Variants in HS6ST3 observed in about 807,000 individuals in gnomAD.
HS6ST3 encodes the protein heparan-sulfate 6-O-sulfotransferase 3.
HS6ST3 carries 12 observed loss-of-function variants against 36.7 expected under a neutral mutation model. That is an observed-to-expected ratio of 0.33 (90% CI 0.21 to 0.53). The LOEUF (loss-of-function observed/expected upper bound fraction) is 0.53, where lower values mean the gene tolerates loss of function less well. Among genes scored for constraint, HS6ST3 ranks in the 20% least tolerant of loss-of-function variants. The pLI is 0.95. For synonymous variants in HS6ST3, 240 were observed against 257.5 expected (o/e 0.93, Z 0.65); for missense variants, 584 against 640.9 (o/e 0.91, Z 0.96).
chr13:96,274,763 G>A (rs1001867411), intron 1 of HS6ST3, among the ~76,000 whole-genome samples: 35 of 151,062 alleles, frequency 2.3e-4, no homozygotes, highest in African/African-American at 6.6e-4. Context: ...GAACATAAAT[G>A]ACATCATGAC....
intron 1 of HS6ST3, among the ~76,000 whole-genome samples, chr13:96,194,428 G>T (rs767884101): frequency 3.3e-5 from 5 of 151,850 alleles, no homozygotes; most frequent in Non-Finnish European, 7.4e-5. Flanking sequence ...TTGGTACCCA[G>T]AAAATTCATT....
intron 1 of HS6ST3, among the ~76,000 whole-genome samples, chr13:96,553,380 G>A (rs970625531): frequency 1.3e-5 from 2 of 152,184 alleles, no homozygotes; most frequent in African/African-American, 4.8e-5. Flanking sequence ...AAAAGGATGC[G>A]AATAAGCCCA....
chr13:96,689,606 C>CT (rs34000071), intron 1 of HS6ST3, among the ~76,000 whole-genome samples: 22 of 101,214 alleles, frequency 2.2e-4, no homozygotes, highest in African/African-American at 6.2e-4. Context: ...TTCTTTCTTT[C>CT]TTTTTTTTTT....
chr13:96,092,976 G>C (rs1417089945), intron 1 of HS6ST3, among the ~76,000 whole-genome samples: 1 of 152,082 alleles, frequency 6.6e-6, no homozygotes, highest in African/African-American at 2.4e-5. Flanking sequence ...TTTGGATCTT[G>C]CCACTCTCTT....
chr13:96,835,447 C>T lies in HS6ST3; in HGVS notation c.*2249C>T, dbSNP rs928174249. ...GGCTCACAAAATATTTCTCCATTTC[C>T]AGTGATTTGTTCCTAAGGTAGAAGG... On this transcript the variant is annotated 3_prime_UTR_variant, in exon 2 of 2. Coordinates refer to ENST00000376705, the MANE Select transcript of HS6ST3 (RefSeq NM_153456.4). The T allele has an allele frequency of 2.0e-5, 3 of 152,088 alleles. No individual in the cohort carries two copies. Among genetic ancestry groups the T allele is most frequent in the Admixed American group, 2.0e-4 (3 of 15,258 alleles). 9.4% of individuals were successfully genotyped at this position (152,088 alleles called of 1,614,324 possible). A position where few individuals can be genotyped will look rare whatever the true frequency, so the allele number is the denominator to read the frequency against.
intron 1 of HS6ST3, among the ~76,000 whole-genome samples, chr13:96,207,746 G>C (rs2054378309): frequency 6.6e-6 from 1 of 152,270 alleles, no homozygotes; most frequent in East Asian, 1.9e-4. Context: ...GACACCACAT[G>C]TTCTCACTTA....
At position 96,745,588 on chromosome 13, in the gene HS6ST3, G is replaced by T. The variant is rs576427388; in HGVS notation, c.708-86902G>T. Among the ~76,000 whole-genome samples, 5 of 152,224 alleles carry T rather than the reference G, an allele frequency of 3.3e-5. No homozygotes were observed. The East Asian group carries it at 7.7e-4, about 24-fold the overall frequency. ...TCGAGAGAGTCACCATGCCCCCATT[G>T]AAATTGGTTTGGTCATGGAGGAAAA... is the stretch of plus-strand genomic sequence containing the variant. On this transcript the variant is annotated intron_variant, in intron 1 of 1. Coordinates refer to ENST00000376705, the MANE Select transcript of HS6ST3 (RefSeq NM_153456.4).
At chr13:96,280,313 C>T (rs965732945) in intron 1 of HS6ST3, among the ~76,000 whole-genome samples, 1 of 151,966 alleles carries the variant, frequency 6.6e-6, no homozygotes, top group Admixed American at 6.6e-5. Context: ...AAAAAATTGC[C>T]AATGAAACCT....
chr13:96,521,033 T>C (rs1022276732), intron 1 of HS6ST3, among the ~76,000 whole-genome samples: 2 of 152,228 alleles, frequency 1.3e-5, no homozygotes, highest in Non-Finnish European at 2.9e-5. Context: ...CATAGATAAC[T>C]AGTTTTTTGA....
intron 1 of HS6ST3, among the ~76,000 whole-genome samples, chr13:96,525,393 C>G (rs1436094726): frequency 6.6e-6 from 1 of 152,178 alleles, no homozygotes; most frequent in East Asian, 1.9e-4. Context: ...TCCCTCCCCT[C>G]CCTTCCTAGT....
chr13:96,492,875 T>TTTGCTAA (rs1397004445), intron 1 of HS6ST3, among the ~76,000 whole-genome samples: 1 of 152,186 alleles, frequency 6.6e-6, no homozygotes, highest in Non-Finnish European at 1.5e-5. Flanking sequence ...TTCTCATCAG[T>TTTGCTAA]TTGCTAATGC....
At chr13:96,662,165 G>C (rs146098049) in intron 1 of HS6ST3, among the ~76,000 whole-genome samples, 1 of 152,158 alleles carries the variant, frequency 6.6e-6, no homozygotes, top group East Asian at 1.9e-4. Context: ...GGACATTTTC[G>C]TGAATTATTT....
chr13:96,359,734 A>G (rs536946196), intron 1 of HS6ST3, among the ~76,000 whole-genome samples: 3 of 152,292 alleles, frequency 2.0e-5, no homozygotes, highest in South Asian at 4.1e-4. Context: ...TATTCATACC[A>G]TTGTTCTGAA....
At chr13:96,312,473 TA>T (rs1184107556) in intron 1 of HS6ST3, among the ~76,000 whole-genome samples, 2 of 152,198 alleles carry the variant, frequency 1.3e-5, no homozygotes, top group Non-Finnish European at 2.9e-5. Flanking sequence ...TAATTTCATT[TA>T]AATTGTTTTA....
intron 1 of HS6ST3, among the ~76,000 whole-genome samples, chr13:96,227,793 T>A (rs919844985): frequency 6.6e-6 from 1 of 152,176 alleles, no homozygotes; most frequent in Non-Finnish European, 1.5e-5. Flanking sequence ...AAGGCCTTCA[T>A]TGCATGCTTC....
chr13:96,745,221 A>T (rs1566443839), intron 1 of HS6ST3, among the ~76,000 whole-genome samples: 1 of 152,072 alleles, frequency 6.6e-6, no homozygotes, highest in South Asian at 2.1e-4. Flanking sequence ...ACTTACATAA[A>T]TATTTTCTAA....
intron 1 of HS6ST3, among the ~76,000 whole-genome samples, chr13:96,304,707 C>CT (rs1566317884): frequency 4.3e-5 from 4 of 92,206 alleles, no homozygotes; most frequent in Admixed American, 1.0e-4. Flanking sequence ...TTCTTTCTTT[C>CT]TTTCTTTTTT....
chr13:96,210,043 A>G (rs2054391253), intron 1 of HS6ST3, among the ~76,000 whole-genome samples: 1 of 152,114 alleles, frequency 6.6e-6, no homozygotes, highest in Non-Finnish European at 1.5e-5. Context: ...ATGCTCAGTG[A>G]ATTATTATTG....
At chr13:96,474,292 A>C (rs992886647) in intron 1 of HS6ST3, among the ~76,000 whole-genome samples, 5 of 152,190 alleles carry the variant, frequency 3.3e-5, no homozygotes, top group African/African-American at 1.2e-4. Context: ...GGAGAGGAGC[A>C]CAGTGAGATG....
Sources: gnomAD v4.1 joint callset for allele counts (sites outside exome capture counted in the v4.1 genomes callset) on GRCh38, gnomAD v4.1.1 for gene constraint, MANE v1.5 for transcripts, NCBI Gene and HGNC (gene_info 2026-07-23, HGNC 2026-07-21) for gene names.